The following AMPH variants were observed in gnomAD, a reference collection of about 807,000 sequenced individuals.
The protein encoded by AMPH is amphiphysin.
A neutral mutation model predicts 99.1 loss-of-function variants in AMPH; 49 were observed. The ratio of observed to expected loss-of-function variants is 0.49; its 90% CI spans 0.39 to 0.63. The LOEUF is 0.63. AMPH is among the 20% of genes least tolerant of loss of function. The pLI is 0.00. For missense variants in AMPH, 759 were observed against 863.4 expected, an observed-to-expected ratio of 0.88 and a Z score of 1.52; for synonymous variants, 314 against 317.3, an observed-to-expected ratio of 0.99 and a Z score of 0.11.
At chr7:38,525,443 T>G (rs1790145873) in intron 2 of AMPH, among the ~76,000 whole-genome samples, 1 of 130,838 alleles carries the variant, frequency 7.6e-6, no homozygotes, top group Non-Finnish European at 1.6e-5. Context: ...TACTCATTTG[T>G]GCGTGTGTGT....
At chr7:38,534,787 T>C in intron 2 of AMPH, 144 bp downstream of exon 2, 1 of 685,186 alleles carries the variant, frequency 1.5e-6, no homozygotes, top group Non-Finnish European at 2.4e-6. Flanking sequence ...CAATAGGAAA[T>C]TCTCCAGAAT....
chr7:38,450,615 G>C (rs533893197), intron 11 of AMPH, among the ~76,000 whole-genome samples: 1 of 152,322 alleles, frequency 6.6e-6, no homozygotes, highest in East Asian at 1.9e-4. Flanking sequence ...ATCCACAAAG[G>C]TGTTGTGAGC....
At chr7:38,510,174 C>T (rs533622166) in intron 2 of AMPH, among the ~76,000 whole-genome samples, 25 of 152,140 alleles carry the variant, frequency 1.6e-4, no homozygotes, top group Non-Finnish European at 3.7e-4. Flanking sequence ...CAGTTTCCCC[C>T]CGTGGCCTCT....
intron 17 of AMPH, among the ~76,000 whole-genome samples, chr7:38,406,713 CCTCTCTCTCTCCCTTTCCCTCTCTCTCT>C (rs1784996313): frequency 9.0e-6 from 1 of 111,034 alleles, no homozygotes; most frequent in African/African-American, 3.4e-5. Flanking sequence ...TCTCTCCTCT[CCTCTCTCTCTCCCTTTCCCTCTCTCTCT>C]CTCTCTCTCT....
intron 1 of AMPH, among the ~76,000 whole-genome samples, chr7:38,627,385 T>C (rs28601638): frequency 3.1e-4 from 5 of 16,250 alleles, no homozygotes; most frequent in South Asian, 7.9e-4. Context: ...CTACTAAAAA[T>C]ACAAAAAAAA....
chr7:38,620,176 C>G (rs2129070055), intron 1 of AMPH, among the ~76,000 whole-genome samples: 1 of 152,220 alleles, frequency 6.6e-6, no homozygotes, highest in Non-Finnish European at 1.5e-5. Flanking sequence ...AAGTCCAAGA[C>G]CACTGCCTGC....
At chr7:38,386,020 TGAA>T (rs1050414172) in intron 20 of AMPH, among the ~76,000 whole-genome samples, 1 of 152,244 alleles carries the variant, frequency 6.6e-6, no homozygotes, top group Admixed American at 6.5e-5. Flanking sequence ...AAAAATTAAA[TGAA>T]GAAGCTGAAT....
intron 4 of AMPH, among the ~76,000 whole-genome samples, chr7:38,492,933 T>C (rs1186420951): frequency 6.6e-6 from 1 of 152,210 alleles, no homozygotes; most frequent in South Asian, 2.1e-4. Flanking sequence ...AAATACTGTG[T>C]TTTAATTGAA....
chr7:38,528,290 A>G (rs887160429), intron 2 of AMPH, among the ~76,000 whole-genome samples: 3 of 152,154 alleles, frequency 2.0e-5, no homozygotes, highest in African/African-American at 4.8e-5. Context: ...CTCCTCTTCT[A>G]TTTTCTGAAA....
intron 1 of AMPH, among the ~76,000 whole-genome samples, chr7:38,541,594 A>C (rs1452309358): frequency 6.6e-6 from 1 of 152,218 alleles, no homozygotes; most frequent in Non-Finnish European, 1.5e-5. Flanking sequence ...CCATCACGTC[A>C]TCAAAGCCTC....
At chr7:38,461,487 A>G (rs1248346151) in intron 10 of AMPH, 76 bp from the exon 11 acceptor site, 10 of 1,565,540 alleles carry the variant, frequency 6.4e-6, no homozygotes, top group Non-Finnish European at 7.9e-6. Context: ...ACATGAACAG[A>G]GCTACATGGA....
At chr7:38,483,896 A>T (rs553184865) in intron 5 of AMPH, among the ~76,000 whole-genome samples, 2 of 152,250 alleles carry the variant, frequency 1.3e-5, no homozygotes, top group East Asian at 3.9e-4. Context: ...ATGTATCCGC[A>T]AAGTGAGAAA....
At chr7:38,523,999 C>G (rs940985913) in intron 2 of AMPH, among the ~76,000 whole-genome samples, 7 of 152,120 alleles carry the variant, frequency 4.6e-5, no homozygotes, top group African/African-American at 7.2e-5. Flanking sequence ...TCTTATCTTA[C>G]TAGAGATACC....
At chr7:38,398,882 T>C (rs145119335) in intron 17 of AMPH, among the ~76,000 whole-genome samples, 1 of 152,200 alleles carries the variant, frequency 6.6e-6, no homozygotes, top group African/African-American at 2.4e-5. Flanking sequence ...AGGTATTAGC[T>C]GCTGTGACAC....
chr7:38,613,134 T>C (rs1286204400), intron 1 of AMPH, among the ~76,000 whole-genome samples: 3 of 152,166 alleles, frequency 2.0e-5, no homozygotes, highest in African/African-American at 7.2e-5. Context: ...AGCTGAGAAG[T>C]GAGAAGGTCA....
chr7:38,414,203 T>G (rs761546114), intron 17 of AMPH, among the ~76,000 whole-genome samples: 13 of 152,232 alleles, frequency 8.5e-5, no homozygotes, highest in Non-Finnish European at 2.9e-5. Flanking sequence ...ATGTATATAT[T>G]TGTTGGTTTA....
Position 38,465,542 on chromosome 7 carries a change from T to C in AMPH, c.674A>G (p.His225Arg). The C allele has an allele frequency of 6.3e-7, 1 of 1,580,402 alleles. No homozygotes were observed. Among genetic ancestry groups the C allele is most frequent in the East Asian group, 2.3e-5 (1 of 44,024 alleles). Residue 225 changes from histidine (H) to arginine (R), a missense_variant, in exon 9 of 21, where the codon CAC becomes CGC. His to Arg is a conservative substitution (Grantham distance 29). Transcript: ENST00000356264. ...KFHKEIAVLC[H>R]KLYEVMTKLG... ...TTTTGTCATCACTTCATACAGTTTG[T>C]GGCAAAGCTAAGGGGACAGAGGCCA...
chr7:38,484,140 C>G (rs1788400967), intron 5 of AMPH, among the ~76,000 whole-genome samples: 1 of 151,932 alleles, frequency 6.6e-6, no homozygotes, highest in African/African-American at 2.4e-5. Flanking sequence ...ATTACATAAA[C>G]CAATTTATGC....
intron 17 of AMPH, among the ~76,000 whole-genome samples, chr7:38,408,871 G>A (rs1785136274): frequency 6.6e-6 from 1 of 151,846 alleles, no homozygotes; most frequent in Non-Finnish European, 1.5e-5. Flanking sequence ...TCATCGTTAA[G>A]TTATGTACAG....
Sources: gnomAD v4.1 joint callset for allele counts (sites outside exome capture counted in the v4.1 genomes callset) on GRCh38, gnomAD v4.1.1 for gene constraint, MANE v1.5 for transcripts, NCBI Gene and HGNC (gene_info 2026-07-23, HGNC 2026-07-21) for gene names.